CTNNA2: variants seen among roughly 807,000 people sequenced by gnomAD.
CTNNA2 encodes catenin alpha 2, also known as catenin alpha-2.
CTNNA2 carries 42 observed loss-of-function variants against 101.0 expected under a neutral mutation model. The ratio of observed to expected loss-of-function variants is 0.42; its 90% CI spans 0.32 to 0.54. The LOEUF (loss-of-function observed/expected upper bound fraction) is 0.54. CTNNA2 is among the 20% of genes least tolerant of loss of function. The probability of loss-of-function intolerance (pLI) is 0.14; values close to 1 mark genes in which losing one functional copy is unlikely to be tolerated. For synonymous variants in CTNNA2, 450 were observed against 456.4 expected (o/e 0.99, Z 0.18); for missense variants, 871 against 1,223.1 (o/e 0.71, Z 4.29).
At chr2:79,540,350 G>A (rs114546169) in intron 1 of CTNNA2, among the ~76,000 whole-genome samples, 8 of 152,174 alleles carry the variant, frequency 5.3e-5, no homozygotes, top group African/African-American at 1.7e-4. Flanking sequence ...TACCTCATAG[G>A]GTTACAGTAA....
In CTNNA2 at chr2:79,217,285, C is replaced by T. The variant is rs575140902; in HGVS notation, c.-406+19209C>T. 2.6e-5 allele frequency among the ~76,000 whole-genome samples: 4 copies of T among 152,282 alleles called. No homozygotes were observed. In the South Asian group the frequency reaches 6.2e-4, roughly 24 times the overall value. ...GATTGATCCCCCAAGGGAGGTCCCC[C>T]GATCCGAGTCACGGCACCAAATTTC... On this transcript the variant is annotated intron_variant, in intron 2 of 21. Coordinates refer to the CTNNA2 transcript ENST00000466387.
At chr2:80,209,552 C>T (rs1452397780) in intron 7 of CTNNA2, among the ~76,000 whole-genome samples, 1 of 152,014 alleles carries the variant, frequency 6.6e-6, no homozygotes, top group Non-Finnish European at 1.5e-5. Flanking sequence ...GTTCAGATCT[C>T]ATTCTCTTAT....
intron 9 of CTNNA2, among the ~76,000 whole-genome samples, chr2:80,531,152 C>T (rs1047726253): frequency 1.3e-5 from 2 of 152,148 alleles, no homozygotes. Context: ...CGGTCAAGGA[C>T]AGCAGTCAGG....
At chr2:79,925,543 G>C (rs553936294) in intron 7 of CTNNA2, among the ~76,000 whole-genome samples, 1 of 151,990 alleles carries the variant, frequency 6.6e-6, no homozygotes, top group African/African-American at 2.4e-5. Flanking sequence ...TTATTTACTA[G>C]CAAATCACAT....
chr2:79,747,580 C>A (rs1432639485), intron 3 of CTNNA2, among the ~76,000 whole-genome samples: 2 of 152,120 alleles, frequency 1.3e-5, no homozygotes, highest in Non-Finnish European at 2.9e-5. Flanking sequence ...CTTAAGAATT[C>A]TTTTGTCATT....
At chr2:80,217,089 C>T (rs181215449) in intron 7 of CTNNA2, among the ~76,000 whole-genome samples, 102 of 152,194 alleles carry the variant, frequency 6.7e-4, no homozygotes, top group African/African-American at 2.4e-3. Flanking sequence ...ACCTCGGCCT[C>T]CCAAAATGCT....
intron 7 of CTNNA2, among the ~76,000 whole-genome samples, chr2:79,941,115 T>C (rs1300379003): frequency 6.6e-6 from 1 of 152,218 alleles, no homozygotes; most frequent in Non-Finnish European, 1.5e-5. Flanking sequence ...ATTCTGCAGA[T>C]CCCAGCATTG....
chr2:80,186,820 T>A (rs971901032), intron 7 of CTNNA2, among the ~76,000 whole-genome samples: 2 of 152,210 alleles, frequency 1.3e-5, no homozygotes, highest in African/African-American at 4.8e-5. Flanking sequence ...CTTATTTATG[T>A]CTCCTACAAT....
intron 7 of CTNNA2, among the ~76,000 whole-genome samples, chr2:80,087,093 C>T (rs1191034869): frequency 6.6e-6 from 1 of 151,970 alleles, no homozygotes; most frequent in Non-Finnish European, 1.5e-5. Context: ...CTTCCTTTGA[C>T]TGATAGTAAC....
chr2:80,194,021 TTA>T (rs1333050467), intron 7 of CTNNA2, among the ~76,000 whole-genome samples: 1 of 152,148 alleles, frequency 6.6e-6, no homozygotes, highest in Non-Finnish European at 1.5e-5. Context: ...CTCTGGAAAA[TTA>T]CATTGTAGAT....
chr2:79,999,339 T>G (rs558761033), intron 7 of CTNNA2, among the ~76,000 whole-genome samples: 2 of 152,212 alleles, frequency 1.3e-5, no homozygotes, highest in Non-Finnish European at 2.9e-5. Context: ...CTAGCCACCA[T>G]AGTTGTTTCC....
chr2:80,457,942 C>T (rs775168401), intron 9 of CTNNA2, among the ~76,000 whole-genome samples: 77 of 152,218 alleles, frequency 5.1e-4, no homozygotes, highest in Non-Finnish European at 8.5e-4. Flanking sequence ...AAATGACTTC[C>T]TTGAAATTTT....
At chr2:80,070,461 A>C (rs1380909465) in intron 7 of CTNNA2, among the ~76,000 whole-genome samples, 1 of 152,162 alleles carries the variant, frequency 6.6e-6, no homozygotes, top group East Asian at 1.9e-4. Flanking sequence ...TAATCCCAGC[A>C]CTTTGGGAGC....
chr2:80,192,605 C>T (rs1706579239), intron 7 of CTNNA2, among the ~76,000 whole-genome samples: 1 of 152,100 alleles, frequency 6.6e-6, no homozygotes, highest in South Asian at 2.1e-4. Context: ...TGGCTCACTG[C>T]AACCTCTGCC....
chr2:80,224,776 T>A (rs1000091215), intron 7 of CTNNA2, among the ~76,000 whole-genome samples: 1 of 152,172 alleles, frequency 6.6e-6, no homozygotes, highest in African/African-American at 2.4e-5. Context: ...ACAAGAGACC[T>A]ACCTCTAGTT....
At chr2:79,702,919 T>C (rs1419464234) in intron 2 of CTNNA2, among the ~76,000 whole-genome samples, 3 of 152,182 alleles carry the variant, frequency 2.0e-5, no homozygotes, top group Admixed American at 6.6e-5. Flanking sequence ...AAGATGTGTG[T>C]GTCCTCGCCC....
chr2:80,129,914 G>T (rs1414453541), intron 7 of CTNNA2, among the ~76,000 whole-genome samples: 1 of 151,970 alleles, frequency 6.6e-6, no homozygotes, highest in Non-Finnish European at 1.5e-5. Context: ...TAAGTCCTGG[G>T]GATTTTGTGA....
chr2:79,334,994 C>A (rs1676962395), intron 3 of CTNNA2, among the ~76,000 whole-genome samples: 1 of 152,098 alleles, frequency 6.6e-6, no homozygotes, highest in African/African-American at 2.4e-5. Context: ...CTGCCCTCCC[C>A]CACCGCCCAT....
intron 2 of CTNNA2, among the ~76,000 whole-genome samples, chr2:79,699,744 C>T (rs1392077069): frequency 5.5e-5 from 8 of 144,284 alleles, no homozygotes; most frequent in African/African-American, 7.7e-5. Flanking sequence ...TGCTAAAAGC[C>T]GGGAAATATT....
Sources: gnomAD v4.1 joint callset for allele counts (sites outside exome capture counted in the v4.1 genomes callset) on GRCh38, gnomAD v4.1.1 for gene constraint, MANE v1.5 for transcripts, NCBI Gene and HGNC (gene_info 2026-07-23, HGNC 2026-07-21) for gene names.